The following NFATC1 variants were observed in gnomAD, a reference collection of about 807,000 sequenced individuals.
NFATC1 encodes the protein nuclear factor of activated T cells 1.
A neutral mutation model predicts 76.0 loss-of-function variants in NFATC1; 22 were observed. The observed-to-expected ratio is 0.29, with a 90% CI of 0.21 to 0.41. The LOEUF (loss-of-function observed/expected upper bound fraction) is 0.41, where lower values mean the gene tolerates loss of function less well. Among genes scored for constraint, NFATC1 ranks in the 10% least tolerant of loss-of-function variants. NFATC1 has a pLI of 1.00. For missense variants in NFATC1, 1,357 were observed against 1,337.7 expected, an observed-to-expected ratio of 1.01 and a Z score of -0.23; for synonymous variants, 704 against 613.1, an observed-to-expected ratio of 1.15 and a Z score of -2.19.
chr18:79,438,272 C>T (rs1234325134), intron 3 of NFATC1, among the ~76,000 whole-genome samples: 1 of 152,250 alleles, frequency 6.6e-6, no homozygotes, highest in Non-Finnish European at 1.5e-5. Context: ...CATGAGTCAA[C>T]CCGTCCTTGG....
chr18:79,411,497 A>T lies in NFATC1; in HGVS notation c.1222A>T (p.Met408Leu). 6.7e-7 allele frequency: 1 copy of T among 1,487,756 alleles called. No homozygotes were observed. The highest frequency in any genetic ancestry group is 8.9e-7 in the Non-Finnish European group (1 of 1,120,494). The allele number at this position is 1,487,756 out of a possible 1,614,324, so 92.2% of individuals were successfully genotyped here. The change falls in exon 2 of 10, where the codon ATG becomes TTG. Residue 408 changes from methionine (M) to leucine (L), a missense_variant. Physicochemically the swap from Met to Leu is conservative, Grantham distance 15 (BLOSUM62 2). This residue lies in a region of NFATC1 where 691 missense variants were observed against 613.1 expected (regional missense o/e 1.13). Coordinates refer to ENST00000427363, the MANE Select transcript of NFATC1 (RefSeq NM_001278669.2). The part of the protein sequence containing the change: ...KPKPLSPTSY[M>L]SPTLPALDWQ... ...CAAGCCCCTGTCCCCTACGTCCTAC[A>T]TGAGGTGAGCCGGCAGCGCGGGGCG...
intron 1 of NFATC1, chr18:79,400,459 G>C (rs2085163360): frequency 1.3e-6 from 2 of 1,488,732 alleles, no homozygotes; most frequent in African/African-American, 2.9e-5. Flanking sequence ...CGCGACGAGG[G>C]CGCCGCCGCG....
chr18:79,486,791 C>T lies in NFATC1; in HGVS notation c.2636C>T (p.Pro879Leu), dbSNP rs776029521. 1.6e-4 allele frequency: 262 copies of T among 1,609,956 alleles called. No homozygotes were observed. The highest frequency in any genetic ancestry group is 2.0e-4 in the East Asian group (9 of 44,796). The change falls in exon 9 of 10, where the codon CCG (proline) becomes CTG (leucine). Residue 879 changes from proline to leucine, a missense_variant. Transcript: ENST00000427363. ...GCCACGGGCCGCCCGCAGCACCTGCCGTCCACGGTCCGCAGGGACGAGTCT... is the reference window on the plus strand; with the variant it reads ...GCCACGGGCCGCCCGCAGCACCTGCTGTCCACGGTCCGCAGGGACGAGTCT... Reference protein sequence around the residue: ...PPATGRPQHLPSTVRRDESPT... With the variant: ...PPATGRPQHLLSTVRRDESPT...
chr18:79,491,913 A>G (rs930809109), intron 9 of NFATC1, among the ~76,000 whole-genome samples: 1 of 152,142 alleles, frequency 6.6e-6, no homozygotes, highest in Non-Finnish European at 1.5e-5. Flanking sequence ...CCATGAATTG[A>G]GTCACTTCAA....
chr18:79,400,611 C>T, intron 1 of NFATC1: 2 of 752,980 alleles, frequency 2.7e-6, no homozygotes, highest in Non-Finnish European at 3.7e-6. Flanking sequence ...CGAGGGGCTA[C>T]GGCGGGGGAC....
chr18:79,521,629 G>T (rs2090577003), intron 9 of NFATC1, among the ~76,000 whole-genome samples: 1 of 69,084 alleles, frequency 1.4e-5, no homozygotes, highest in African/African-American at 5.7e-5. Flanking sequence ...TGTGGGGGGG[G>T]GGGCATCCGC....
chr18:79,490,691 C>G (rs917912786), intron 9 of NFATC1, among the ~76,000 whole-genome samples: 9 of 152,182 alleles, frequency 5.9e-5, no homozygotes, highest in Non-Finnish European at 1.0e-4. Context: ...TTCCCGCGTC[C>G]TGGGTGGATG....
chr18:79,478,019 C>T (rs962537054), intron 8 of NFATC1, among the ~76,000 whole-genome samples: 40 of 152,192 alleles, frequency 2.6e-4, no homozygotes, highest in African/African-American at 8.2e-4. Context: ...GACACGAGTC[C>T]GTCCATAGCA....
chr18:79,411,486 C>T lies in NFATC1; in HGVS notation c.1211C>T (p.Pro404Leu), dbSNP rs781111342. The change falls in exon 2 of 10, where the codon CCT (proline) becomes CTT (leucine). Residue 404 changes from proline (P) to leucine (L), a missense_variant. This residue lies in a region of NFATC1 where 691 missense variants were observed against 613.1 expected (regional missense o/e 1.13). Coordinates refer to ENST00000427363, the MANE Select transcript of NFATC1 (RefSeq NM_001278669.2). Reference protein sequence around the residue: ...YQWAKPKPLSPTSYMSPTLPA... With the variant: ...YQWAKPKPLSLTSYMSPTLPA... Reference sequence around the variant, plus strand: ...TGGGCGAAGCCCAAGCCCCTGTCCCCTACGTCCTACATGAGGTGAGCCGGC... The same window carrying T: ...TGGGCGAAGCCCAAGCCCCTGTCCCTTACGTCCTACATGAGGTGAGCCGGC... 19 of 1,505,400 alleles carry T rather than the reference C, an allele frequency of 1.3e-5. No homozygotes were observed. The highest frequency in any genetic ancestry group is 2.3e-5 in the East Asian group (1 of 43,058). The allele number at this position is 1,505,400 out of a possible 1,614,324, so 93.3% of individuals were successfully genotyped here. A position where few individuals can be genotyped will look rare whatever the true frequency, so the allele number is the denominator to read the frequency against.
intron 9 of NFATC1, 63 bp from the exon 10 acceptor site, chr18:79,527,465 G>A: frequency 7.4e-7 from 1 of 1,353,216 alleles, no homozygotes; most frequent in Non-Finnish European, 1.1e-6. Flanking sequence ...AGCAGGGCTG[G>A]GGGCGTTGCT....
intron 8 of NFATC1, among the ~76,000 whole-genome samples, chr18:79,473,466 G>A (rs1044335787): frequency 1.3e-5 from 2 of 150,214 alleles, no homozygotes; most frequent in Non-Finnish European, 1.5e-5. Context: ...CATTGTCGAC[G>A]TAAACCCCAG....
rs2090702169 is a variant in NFATC1 at position 79,524,617 on chromosome 18, G to A, written c.2783-2911G>A. ...AGGAGTGAGGTGCAGGCTGCCGCTG[G>A]CTCCTTAGGCCTCGACAGCTCTCTT... On this transcript the variant is annotated intron_variant, in intron 9 of 9. Coordinates refer to ENST00000427363, the MANE Select transcript of NFATC1 (RefSeq NM_001278669.2). This position sits in a 1 kb window ranked among gnomAD's most constrained non-coding sequence, Gnocchi z 7.2. Among the ~76,000 whole-genome samples the A allele has an allele frequency of 6.6e-6, 1 of 152,164 alleles. No homozygotes were observed. The highest frequency in any genetic ancestry group is 1.5e-5 in the Non-Finnish European group (1 of 68,012).
intron 8 of NFATC1, among the ~76,000 whole-genome samples, chr18:79,473,934 T>A (rs2088903764): frequency 6.8e-6 from 1 of 147,518 alleles, no homozygotes; most frequent in South Asian, 2.2e-4. Flanking sequence ...ACGCTCACTG[T>A]CGACATTGTA....
chr18:79,455,183 G>A (rs867523636), intron 6 of NFATC1, among the ~76,000 whole-genome samples: 3 of 152,228 alleles, frequency 2.0e-5, no homozygotes, highest in Non-Finnish European at 2.9e-5. Context: ...TTCTGGTGCC[G>A]TTTTTTAAAA....
intron 7 of NFATC1, among the ~76,000 whole-genome samples, chr18:79,467,178 A>T (rs2088542263): frequency 6.6e-6 from 1 of 152,150 alleles, no homozygotes; most frequent in African/African-American, 2.4e-5. Flanking sequence ...CTTCCCTGTG[A>T]GCGTGCGTGT....
rs1389732485 is a variant in NFATC1 at position 79,400,337 on chromosome 18, C to G, written c.127+3986C>G. ...GACGCGCGGGCAGCGCCGGGAGAACCGAACCCCTGGCGGCCGCGACCCCGG... is the reference window on the plus strand; with the variant it reads ...GACGCGCGGGCAGCGCCGGGAGAACGGAACCCCTGGCGGCCGCGACCCCGG... On this transcript the variant is annotated intron_variant, in intron 1 of 9. Transcript: ENST00000427363. 59 of 1,376,206 alleles carry G rather than the reference C, an allele frequency of 4.3e-5. No individual in the cohort carries two copies. In the South Asian group the frequency reaches 8.3e-4, roughly 19 times the overall value. The allele number at this position is 1,376,206 out of a possible 1,614,324, so 85.2% of individuals were successfully genotyped here.
chr18:79,441,265 C>T (rs2086965431), intron 3 of NFATC1, among the ~76,000 whole-genome samples: 1 of 152,168 alleles, frequency 6.6e-6, no homozygotes, highest in African/African-American at 2.4e-5. Flanking sequence ...TGGATGGTGG[C>T]TCTTCCACCC....
chr18:79,400,728 C>G (rs1161235360), intron 1 of NFATC1, among the ~76,000 whole-genome samples: 5 of 150,728 alleles, frequency 3.3e-5, no homozygotes, highest in Admixed American at 2.6e-4. Context: ...GAAGTGGTCC[C>G]GGACAGAGGG....
At chr18:79,433,811 A>C (rs1568956844) in intron 3 of NFATC1, 73 bp downstream of exon 3, 1 of 1,547,680 alleles carries the variant, frequency 6.5e-7, no homozygotes. Flanking sequence ...AGCCACAGCT[A>C]ACTGTGCTTA....
Sources: gnomAD v4.1 joint callset for allele counts (sites outside exome capture counted in the v4.1 genomes callset) on GRCh38, gnomAD v4.1.1 for gene constraint, gnomAD v4.1.1 regional missense constraint, Gnocchi (gnomAD v3.1) non-coding constraint, MANE v1.5 for transcripts, NCBI Gene and HGNC (gene_info 2026-07-23, HGNC 2026-07-21) for gene names.